XKR6: variants seen among roughly 807,000 people sequenced by gnomAD.
XKR6 encodes the protein XK-related protein 6.
In XKR6, 22 loss-of-function variants were observed where a neutral mutation model predicts 56.7. The ratio of observed to expected loss-of-function variants is 0.39; its 90% CI spans 0.28 to 0.55. The LOEUF is 0.55. XKR6 is among the 20% of genes least tolerant of loss of function. XKR6 has a pLI of 0.66. For synonymous variants in XKR6, 524 were observed against 387.8 expected (o/e 1.35, Z -4.13); for missense variants, 852 against 889.0 (o/e 0.96, Z 0.53).
rs1389407030 is a variant in XKR6, at chr8:11,028,931, T to G, written c.765-104101A>C. ...TGTGAACTCTCTGCAGGTGGCCCCC[T>G]GGACTAGGCTGCTCCCTGGTACCTG... On this transcript the variant is annotated intron_variant, in intron 1 of 2. Coordinates refer to ENST00000416569, the MANE Select transcript of XKR6 (RefSeq NM_173683.4). 3.3e-5 allele frequency among the ~76,000 whole-genome samples: 5 copies of G among 152,252 alleles called. No homozygotes were observed. In the East Asian group the frequency reaches 9.7e-4, roughly 29 times the overall value.
At chr8:11,054,080 G>A (rs1477881368) in intron 1 of XKR6, among the ~76,000 whole-genome samples, 1 of 152,222 alleles carries the variant, frequency 6.6e-6, no homozygotes, top group Non-Finnish European at 1.5e-5. Context: ...TGGTAGGAAT[G>A]CTGGGTGGGG....
At chr8:10,924,310 CT>C (rs1442314637) in intron 2 of XKR6, among the ~76,000 whole-genome samples, 1 of 152,266 alleles carries the variant, frequency 6.6e-6, no homozygotes, top group Non-Finnish European at 1.5e-5. Flanking sequence ...AAATGCCTGG[CT>C]CAGGTCAGCA....
intron 2 of XKR6, among the ~76,000 whole-genome samples, chr8:10,903,909 G>C (rs780147774): frequency 3.9e-5 from 6 of 152,162 alleles, no homozygotes; most frequent in Admixed American, 3.3e-4. Context: ...GTGAGTACAG[G>C]TTCTTCCTTC....
At chr8:11,194,601 T>C (rs769948893) in intron 1 of XKR6, 2 of 152,430 alleles carry the variant, frequency 1.3e-5, no homozygotes, top group Non-Finnish European at 1.5e-5. Context: ...CAGCACGTTG[T>C]AAAGCAAATC....
At chr8:10,912,078 G>C (rs1293799760) in intron 2 of XKR6, among the ~76,000 whole-genome samples, 1 of 150,078 alleles carries the variant, frequency 6.7e-6, no homozygotes, top group Non-Finnish European at 1.5e-5. Context: ...TATACATAGA[G>C]AGGGTAAGTA....
chr8:10,918,619 G>C (rs1376627223), intron 2 of XKR6, among the ~76,000 whole-genome samples: 2 of 152,234 alleles, frequency 1.3e-5, no homozygotes, highest in African/African-American at 4.8e-5. Flanking sequence ...TCTCCAGGTA[G>C]AGATCCCAGC....
intron 1 of XKR6, among the ~76,000 whole-genome samples, chr8:11,134,433 T>C (rs1013109368): frequency 1.3e-5 from 2 of 152,156 alleles, no homozygotes; most frequent in Non-Finnish European, 2.9e-5. Context: ...GTTGGACAAC[T>C]TGGCATTGAC....
chr8:11,070,100 G>T (rs1020250556), intron 1 of XKR6, among the ~76,000 whole-genome samples: 4 of 152,178 alleles, frequency 2.6e-5, no homozygotes, highest in African/African-American at 7.2e-5. Flanking sequence ...TTCTGGACAT[G>T]GGAGTCCTGA....
At chr8:10,975,098 G>A (rs1012867758) in intron 1 of XKR6, among the ~76,000 whole-genome samples, 1 of 152,094 alleles carries the variant, frequency 6.6e-6, no homozygotes, top group Non-Finnish European at 1.5e-5. Context: ...TTCTCTCTCC[G>A]GAACACAGTC....
chr8:10,943,657 T>C (rs7837244), intron 1 of XKR6, among the ~76,000 whole-genome samples: 33 of 152,304 alleles, frequency 2.2e-4, no homozygotes, highest in African/African-American at 7.5e-4. Flanking sequence ...TCTGCATCTA[T>C]CAACTCATCT....
chr8:10,948,517 G>T (rs1801617282), intron 1 of XKR6, among the ~76,000 whole-genome samples: 1 of 152,154 alleles, frequency 6.6e-6, no homozygotes, highest in African/African-American at 2.4e-5. Context: ...GAGCTCTCAG[G>T]CCCTGGAAGC....
intron 1 of XKR6, among the ~76,000 whole-genome samples, chr8:11,130,416 C>T (rs1183962067): frequency 2.0e-5 from 3 of 152,112 alleles, no homozygotes; most frequent in South Asian, 4.1e-4. Flanking sequence ...TATCCATCCA[C>T]GCTCCTTGGA....
chr8:10,967,916 G>A (rs1802276917), intron 1 of XKR6, among the ~76,000 whole-genome samples: 1 of 152,174 alleles, frequency 6.6e-6, no homozygotes, highest in South Asian at 2.1e-4. Context: ...GGCTGCCTCG[G>A]CTCTGCACTG....
Position 11,201,479 on chromosome 8 carries a change from G to T in XKR6, c.-140C>A. 5.2e-6 allele frequency: 3 copies of T among 573,182 alleles called. No homozygotes were observed. Among genetic ancestry groups the T allele is most frequent in the Non-Finnish European group, 9.1e-6 (3 of 330,242 alleles). The allele number at this position is 573,182 out of a possible 1,614,324, so 35.5% of individuals were successfully genotyped here. ...AAGCGGGGGAGCAAACGAACGAGGG[G>T]GGAGTGGGCCAGGGAACCCCCTCCG... is the stretch of plus-strand genomic sequence containing the variant. On this transcript the variant is annotated 5_prime_UTR_variant, in exon 1 of 3. Coordinates refer to ENST00000416569, the MANE Select transcript of XKR6 (RefSeq NM_173683.4).
chr8:10,990,434 C>T (rs1797963127), intron 1 of XKR6, among the ~76,000 whole-genome samples: 1 of 152,094 alleles, frequency 6.6e-6, no homozygotes, highest in Non-Finnish European at 1.5e-5. Context: ...GGGAGCATGT[C>T]TGTTATTTCC....
chr8:11,063,934 C>G (rs1586495938), intron 1 of XKR6, among the ~76,000 whole-genome samples: 1 of 152,286 alleles, frequency 6.6e-6, no homozygotes, highest in Middle Eastern at 3.4e-3. Flanking sequence ...TAATAATTTC[C>G]CTCAATCTTC....
chr8:11,010,692 C>T (rs1327312192), intron 1 of XKR6, among the ~76,000 whole-genome samples: 1 of 152,144 alleles, frequency 6.6e-6, no homozygotes, highest in Non-Finnish European at 1.5e-5. Flanking sequence ...AACAACTTTT[C>T]CCCCAGTTCC....
At chr8:11,065,526 G>A (rs1465722973) in intron 1 of XKR6, among the ~76,000 whole-genome samples, 5 of 151,972 alleles carry the variant, frequency 3.3e-5, no homozygotes, top group African/African-American at 1.2e-4. Context: ...ACCAACTGCA[G>A]TCTCATCTAC....
At chr8:11,112,194 T>C (rs754687304) in intron 1 of XKR6, among the ~76,000 whole-genome samples, 8 of 152,216 alleles carry the variant, frequency 5.3e-5, no homozygotes, top group Non-Finnish European at 1.0e-4. Context: ...TCTGTCTTTA[T>C]TTTCTTTTAA....
Sources: gnomAD v4.1 joint callset for allele counts (sites outside exome capture counted in the v4.1 genomes callset) on GRCh38, gnomAD v4.1.1 for gene constraint, MANE v1.5 for transcripts, NCBI Gene and HGNC (gene_info 2026-07-23, HGNC 2026-07-21) for gene names.